Variants in KIRREL3 observed in about 807,000 individuals in gnomAD.
The protein encoded by KIRREL3 is kirre like nephrin family adhesion molecule 3.
KIRREL3 carries 36 observed loss-of-function variants against 89.7 expected under a neutral mutation model. The ratio of observed to expected loss-of-function variants is 0.40; its 90% CI spans 0.31 to 0.53. The LOEUF is 0.53. Among genes scored for constraint, KIRREL3 ranks in the 20% least tolerant of loss-of-function variants. The probability of loss-of-function intolerance (pLI) is 0.49; values close to 1 mark genes in which losing one functional copy is unlikely to be tolerated. For synonymous variants in KIRREL3, 445 were observed against 441.4 expected (o/e 1.01, Z -0.10); for missense variants, 864 against 1,056.6 (o/e 0.82, Z 2.53).
intron 1 of KIRREL3, among the ~76,000 whole-genome samples, chr11:126,702,243 C>T: frequency 6.6e-6 from 1 of 152,172 alleles, no homozygotes; most frequent in East Asian, 1.9e-4. Flanking sequence ...AGGGGCCTGT[C>T]ACATAGAATG....
Position 126,592,585 on chromosome 11 carries a change from A to G in KIRREL3, c.56-29673T>C, listed in dbSNP as rs77628119. Among the ~76,000 whole-genome samples, 507 of 152,330 alleles carry G rather than the reference A, an allele frequency of 3.3e-3. 3 individuals carry two copies. Among genetic ancestry groups the G allele is most frequent in the Admixed American group, 0.012 (182 of 15,302 alleles). On this transcript the variant is annotated intron_variant, in intron 1 of 16. Coordinates refer to ENST00000525144, the MANE Select transcript of KIRREL3 (RefSeq NM_032531.4). The stretch of plus-strand genomic sequence containing the variant: ...TCTGGTCCATTGAGGGAGATGGAAT[A>G]CATCAGGATGGAAAGGACCATGGCA...
At position 126,523,556 on chromosome 11, in the gene KIRREL3, C is replaced by G. The variant is rs1958660229; in HGVS notation, c.284-2092G>C. Among the ~76,000 whole-genome samples, 1 of 151,958 alleles carries G rather than the reference C, an allele frequency of 6.6e-6. No individual in the cohort carries two copies. The highest frequency in any genetic ancestry group is 2.4e-5 in the African/African-American group (1 of 41,278). On this transcript the variant is annotated intron_variant, in intron 3 of 16. Transcript: ENST00000525144. The surrounding 1 kb of genome is among the most constrained non-coding windows in gnomAD (Gnocchi z 4.9). ...CTGTGCAGGCCTGGCCAGAAAAGCTCACAAGGCCATCAGCTGCACCCCTGA... is the reference window on the plus strand; with the variant it reads ...CTGTGCAGGCCTGGCCAGAAAAGCTGACAAGGCCATCAGCTGCACCCCTGA...
In KIRREL3 at chr11:126,900,819, T is replaced by A. The variant is rs1946341892; in HGVS notation, c.55+99636A>T. Among the ~76,000 whole-genome samples the A allele has an allele frequency of 6.6e-6, 1 of 152,210 alleles. No individual in the cohort carries two copies. Among genetic ancestry groups the A allele is most frequent in the Non-Finnish European group, 1.5e-5 (1 of 68,048 alleles). On this transcript the variant is annotated intron_variant, in intron 1 of 16. Coordinates refer to ENST00000525144, the MANE Select transcript of KIRREL3 (RefSeq NM_032531.4). The surrounding 1 kb of genome is among the most constrained non-coding windows in gnomAD (Gnocchi z 4.4). ...TTTCAGAGTATTCTGTTTGAGGGAA[T>A]GCATTGTACTTATTTAAAGACATTT...
At chr11:126,720,793 G>A (rs868451510) in intron 1 of KIRREL3, among the ~76,000 whole-genome samples, 26 of 152,352 alleles carry the variant, frequency 1.7e-4, no homozygotes, top group African/African-American at 5.8e-4. Flanking sequence ...TGCAAATGAC[G>A]CTGTAGGGCT....
Position 126,594,649 on chromosome 11 carries a change from C to T in KIRREL3, c.56-31737G>A, listed in dbSNP as rs184822334. 3.9e-5 allele frequency among the ~76,000 whole-genome samples: 6 copies of T among 152,190 alleles called. No homozygotes were observed. The highest frequency in any genetic ancestry group is 2.0e-4 in the Admixed American group (3 of 15,274). On this transcript the variant is annotated intron_variant, in intron 1 of 16. Coordinates refer to ENST00000525144, the MANE Select transcript of KIRREL3 (RefSeq NM_032531.4). The surrounding 1 kb of genome is among the most constrained non-coding windows in gnomAD (Gnocchi z 5.0). ...GGTGCCTTTAAGAGTGCAATGAGGC[C>T]GCAGCAGAAACTATCTCTAAGGCCA...
chr11:126,964,146 T>C (rs1242783087), intron 1 of KIRREL3, among the ~76,000 whole-genome samples: 1 of 152,174 alleles, frequency 6.6e-6, no homozygotes, highest in East Asian at 1.9e-4. Context: ...CTCAGTAGTT[T>C]CTTAATAAAT....
chr11:126,629,487 G>A (rs1039130600), intron 1 of KIRREL3, among the ~76,000 whole-genome samples: 2 of 152,178 alleles, frequency 1.3e-5, no homozygotes, highest in African/African-American at 4.8e-5. Context: ...GAGTGTGGCG[G>A]CAGAGCAGCT....
In KIRREL3 at chr11:126,763,696, G is replaced by C. The variant is rs114012939; in HGVS notation, c.56-200784C>G. On this transcript the variant is annotated intron_variant, in intron 1 of 16. Coordinates refer to ENST00000525144, the MANE Select transcript of KIRREL3 (RefSeq NM_032531.4). This position sits in a 1 kb window ranked among gnomAD's most constrained non-coding sequence, Gnocchi z 4.7. Reference sequence around the variant, plus strand: ...TGCATGACCTTCAATGAGTTCCCACGCTTTTGAGCCTTTGTTTTCTCACTT... The same window carrying C: ...TGCATGACCTTCAATGAGTTCCCACCCTTTTGAGCCTTTGTTTTCTCACTT... Among the ~76,000 whole-genome samples the C allele has an allele frequency of 6.6e-6, 1 of 152,212 alleles. No individual in the cohort carries two copies. Among genetic ancestry groups the C allele is most frequent in the African/African-American group, 2.4e-5 (1 of 41,522 alleles).
rs564828952 is a variant in KIRREL3 at position 126,817,003 on chromosome 11, T to C, written c.55+183452A>G. Among the ~76,000 whole-genome samples, 67 of 152,260 alleles carry C rather than the reference T, an allele frequency of 4.4e-4. No individual in the cohort carries two copies. The highest frequency in any genetic ancestry group is 1.5e-3 in the African/African-American group (63 of 41,536). ...GGTGTTTAAAGGAAACACGTTACTT[T>C]AGGGAAGGAAGAACCTGTTGCATTA... On this transcript the variant is annotated intron_variant, in intron 1 of 16. Transcript: ENST00000525144. The surrounding 1 kb of genome is among the most constrained non-coding windows in gnomAD (Gnocchi z 5.7).
chr11:126,977,316 C>G lies in KIRREL3; in HGVS notation c.55+23139G>C, dbSNP rs1045646529. On this transcript the variant is annotated intron_variant, in intron 1 of 16. Transcript: ENST00000525144. This position sits in a 1 kb window ranked among gnomAD's most constrained non-coding sequence, Gnocchi z 4.7. ...ATGCTGCCGCCCTTTCCTTCTTCAT[C>G]AGGATCATTCGTTTGGTGCTGTCAA... is the stretch of plus-strand genomic sequence containing the variant. Among the ~76,000 whole-genome samples the G allele has an allele frequency of 7.2e-5, 11 of 152,140 alleles. No individual in the cohort carries two copies. The highest frequency in any genetic ancestry group is 2.7e-4 in the African/African-American group (11 of 41,430).
chr11:126,444,363 T>G (rs1490732929), intron 10 of KIRREL3, among the ~76,000 whole-genome samples: 1 of 152,116 alleles, frequency 6.6e-6, no homozygotes, highest in Non-Finnish European at 1.5e-5. Flanking sequence ...CCAGGAGAGG[T>G]GGCTCACGCC....
At chr11:126,596,654 C>G (rs61901081) in intron 1 of KIRREL3, among the ~76,000 whole-genome samples, 1 of 152,170 alleles carries the variant, frequency 6.6e-6, no homozygotes, top group Non-Finnish European at 1.5e-5. Flanking sequence ...GGCAGGCATG[C>G]GGGAGTGGGG....
chr11:126,720,448 G>T (rs2134168150), intron 1 of KIRREL3, among the ~76,000 whole-genome samples: 1 of 152,306 alleles, frequency 6.6e-6, no homozygotes, highest in African/African-American at 2.4e-5. Context: ...CTCAAAGAAA[G>T]ATTTTACCAC....
Position 126,460,556 on chromosome 11 carries a change from G to A in KIRREL3, c.742+2601C>T, listed in dbSNP as rs564135573. Among the ~76,000 whole-genome samples, 4 of 152,302 alleles carry A rather than the reference G, an allele frequency of 2.6e-5. No individual in the cohort carries two copies. The East Asian group carries it at 7.7e-4, about 29-fold the overall frequency. On this transcript the variant is annotated intron_variant, in intron 6 of 16. Coordinates refer to ENST00000525144, the MANE Select transcript of KIRREL3 (RefSeq NM_032531.4). ...TTGGACGAGGCTGGTCTGGGAAACT[G>A]GGCTGCTGGGCCCCAAGTGTCACTC... is the stretch of plus-strand genomic sequence containing the variant.
intron 1 of KIRREL3, among the ~76,000 whole-genome samples, chr11:126,798,230 TGCACA>T (rs1487500369): frequency 2.6e-5 from 4 of 151,680 alleles, no homozygotes; most frequent in Non-Finnish European, 5.9e-5. Context: ...AGATCCCGGG[TGCACA>T]GCTCCTTCCT....
rs983091068 is a variant in KIRREL3 at position 126,641,389 on chromosome 11, C to G, written c.56-78477G>C. Among the ~76,000 whole-genome samples the G allele has an allele frequency of 2.0e-5, 3 of 147,580 alleles. No homozygotes were observed. On this transcript the variant is annotated intron_variant, in intron 1 of 16. Transcript: ENST00000525144. This position sits in a 1 kb window ranked among gnomAD's most constrained non-coding sequence, Gnocchi z 5.0. Reference sequence around the variant, plus strand: ...TCTCTGAAGAGCCTCTTGGTGGTCACAAAGCTACTTGCCACTCTCATCAGA... The same window carrying G: ...TCTCTGAAGAGCCTCTTGGTGGTCAGAAAGCTACTTGCCACTCTCATCAGA...
In KIRREL3 at chr11:126,656,500, T is replaced by C. The variant is rs1478471438; in HGVS notation, c.56-93588A>G. On this transcript the variant is annotated intron_variant, in intron 1 of 16. Coordinates refer to ENST00000525144, the MANE Select transcript of KIRREL3 (RefSeq NM_032531.4). This position sits in a 1 kb window ranked among gnomAD's most constrained non-coding sequence, Gnocchi z 4.0. ...TGAGACTTCACGTGGAATCTCAACA[T>C]ACAAAATTGGCATAAGTGGGGGATA... 6.6e-6 allele frequency among the ~76,000 whole-genome samples: 1 copy of C among 152,196 alleles called. No individual in the cohort carries two copies. The highest frequency in any genetic ancestry group is 2.4e-5 in the African/African-American group (1 of 41,462).
chr11:126,454,744 G>A lies in KIRREL3; in HGVS notation c.848+1605C>T, dbSNP rs1189043817. ...CACAGCCAAACCAGACTTGCCCCCT[G>A]GACCTGGCTGGACCCACATGATTCT... On this transcript the variant is annotated intron_variant, in intron 7 of 16. Coordinates refer to ENST00000525144, the MANE Select transcript of KIRREL3 (RefSeq NM_032531.4). The surrounding 1 kb of genome is among the most constrained non-coding windows in gnomAD (Gnocchi z 5.8). 6.6e-6 allele frequency among the ~76,000 whole-genome samples: 1 copy of A among 152,136 alleles called. No homozygotes were observed. Among genetic ancestry groups the A allele is most frequent in the East Asian group, 1.9e-4 (1 of 5,182 alleles).
chr11:126,487,361 A>G (rs1176629512), intron 4 of KIRREL3, among the ~76,000 whole-genome samples: 1 of 152,186 alleles, frequency 6.6e-6, no homozygotes, highest in African/African-American at 2.4e-5. Context: ...GGATGTGGGG[A>G]GACACACACA....
Sources: allele counts gnomAD v4.1 joint callset (sites outside exome capture counted in the v4.1 genomes callset), GRCh38; gene constraint gnomAD v4.1.1; non-coding constraint Gnocchi (gnomAD v3.1); transcripts MANE v1.5; gene names NCBI Gene and HGNC (gene_info 2026-07-23, HGNC 2026-07-21).